DLX5: variants seen among roughly 807,000 people sequenced by gnomAD.
DLX5 encodes the protein distal-less homeobox 5.
Under a neutral mutation model 27.1 loss-of-function variants are expected in DLX5, and 8 were observed. The observed-to-expected ratio is 0.30, with a 90% CI of 0.17 to 0.53. DLX5 has a LOEUF of 0.53. Among genes scored for constraint, DLX5 ranks in the 20% least tolerant of loss-of-function variants. The pLI, the probability that DLX5 is intolerant of heterozygous loss-of-function variation, is 0.95. For synonymous variants in DLX5, 178 were observed against 161.9 expected (o/e 1.10, Z -0.75); for missense variants, 339 against 375.1 (o/e 0.90, Z 0.80).
At chr7:97,022,101 C>T in intron 2 of DLX5, 84 bp downstream of exon 2, 1 of 1,526,724 alleles carries the variant, frequency 6.5e-7, no homozygotes, top group Non-Finnish European at 9.0e-7. Context: ...GTCAAAACAG[C>T]TCCAGTCCCA....
At chr7:97,022,938 A>G (rs963747819) in intron 1 of DLX5, among the ~76,000 whole-genome samples, 6 of 147,758 alleles carry the variant, frequency 4.1e-5, no homozygotes, top group African/African-American at 1.5e-4. Context: ...AGGGTCGATT[A>G]TGCAACCCCC....
chr7:97,024,546 A>G lies in DLX5; in HGVS notation c.78T>C (p.Ala26=), dbSNP rs1790143116. 1.2e-6 allele frequency: 2 copies of G among 1,613,970 alleles called. No homozygotes were observed. The highest frequency in any genetic ancestry group is 1.7e-6 in the Non-Finnish European group (2 of 1,179,852). Residue 26 remains alanine, a synonymous_variant, in exon 1 of 3, where the codon GCT becomes GCC. Coordinates refer to ENST00000648378, the MANE Select transcript of DLX5 (RefSeq NM_005221.6). The surrounding 1 kb of genome is among the most constrained non-coding windows in gnomAD (Gnocchi z 4.6). ...DFQAPFQTSA[A]MHHPSQESPT... is the part of the protein sequence containing the mutation. Reference sequence around the variant, plus strand: ...GCGATTCCTGAGACGGATGGTGCATAGCTGCGGACGTCTGGAACGGAGCTT... The same window carrying G: ...GCGATTCCTGAGACGGATGGTGCATGGCTGCGGACGTCTGGAACGGAGCTT...
intron 1 of DLX5, among the ~76,000 whole-genome samples, chr7:97,023,792 G>A (rs1207734): frequency 0.056 from 8,321 of 147,920 alleles, 302 homozygotes; most frequent in South Asian, 0.082. Flanking sequence ...GCGTGCTCAG[G>A]GCACCCGCAC....
chr7:97,023,823 C>T (rs1315963817), intron 1 of DLX5, among the ~76,000 whole-genome samples: 2 of 150,596 alleles, frequency 1.3e-5, no homozygotes, highest in South Asian at 2.1e-4. Flanking sequence ...TGTGGCGGCT[C>T]TCAAACTAAT....
intron 1 of DLX5, chr7:97,022,685 C>G: frequency 1.3e-6 from 1 of 751,260 alleles, no homozygotes; most frequent in Non-Finnish European, 1.6e-6. Context: ...CTTGTTTTTA[C>G]GCCCACCCTG....
chr7:97,021,129 G>C, intron 2 of DLX5, 64 bp from the exon 3 acceptor site: 1 of 1,480,918 alleles, frequency 6.8e-7, no homozygotes, highest in Non-Finnish European at 9.1e-7. Context: ...CCTTCCCCGG[G>C]GCGGCGACTG....
chr7:97,024,218 C>T lies in DLX5; in HGVS notation c.355+51G>A. On this transcript the variant is annotated intron_variant, in intron 1 of 2. Coordinates refer to ENST00000648378, the MANE Select transcript of DLX5 (RefSeq NM_005221.6). The surrounding 1 kb of genome is among the most constrained non-coding windows in gnomAD (Gnocchi z 4.6). ...CAATCTACCACCCCATCTCGCGCCC[C>T]CAGCGTCCTAGTCGCCCTGTATCTG... 4 of 1,544,566 alleles carry T rather than the reference C, an allele frequency of 2.6e-6. No individual in the cohort carries two copies. Among genetic ancestry groups the T allele is most frequent in the Non-Finnish European group, 3.5e-6 (4 of 1,142,260 alleles).
rs75624442 is a variant in DLX5, at chr7:97,022,528, C to T, written c.356-159G>A. Reference sequence around the variant, plus strand: ...TTTTCAGGACCGCGATAAATATGCACCTACCCCAAATATGGAAAAGCGGGA... The same window carrying T: ...TTTTCAGGACCGCGATAAATATGCATCTACCCCAAATATGGAAAAGCGGGA... On this transcript the variant is annotated intron_variant, in intron 1 of 2. Coordinates refer to ENST00000648378, the MANE Select transcript of DLX5 (RefSeq NM_005221.6). 4.2e-4 allele frequency: 417 copies of T among 985,314 alleles called. No homozygotes were observed. The African/African-American group carries it at 7.0e-3, about 16-fold the overall frequency. The allele number at this position is 985,314 out of a possible 1,614,324, so 61.0% of individuals were successfully genotyped here.
At position 97,024,463 on chromosome 7, in the gene DLX5, G is replaced by A; in HGVS notation, c.161C>T (p.Ala54Val). 9 of 1,614,284 alleles carry A rather than the reference G, an allele frequency of 5.6e-6. No individual in the cohort carries two copies. The highest frequency in any genetic ancestry group is 6.8e-6 in the Non-Finnish European group (8 of 1,180,054). ...DSDYYSPTGGAPHGYCSPTSA... is the reference protein window; with the variant it reads ...DSDYYSPTGGVPHGYCSPTSA... ...GGTAGGAGAGCAGTAGCCGTGCGGGGCTCCCCCCGTAGGGCTGTAGTAGTC... is the reference window on the plus strand; with the variant it reads ...GGTAGGAGAGCAGTAGCCGTGCGGGACTCCCCCCGTAGGGCTGTAGTAGTC... Residue 54 changes from alanine to valine, a missense_variant, in exon 1 of 3, where the codon GCC becomes GTC. Transcript: ENST00000648378. The surrounding 1 kb of genome is among the most constrained non-coding windows in gnomAD (Gnocchi z 4.6).
At chr7:97,022,595 G>C (rs143231017) in intron 1 of DLX5, 1 of 985,438 alleles carries the variant, frequency 1.0e-6, no homozygotes, top group Admixed American at 6.1e-5. Context: ...CAGATAGTTT[G>C]TGCAAAGCGC....
At chr7:97,022,871 C>T (rs760995913) in intron 1 of DLX5, among the ~76,000 whole-genome samples, 2 of 152,280 alleles carry the variant, frequency 1.3e-5, no homozygotes, top group Admixed American at 6.5e-5. Context: ...GTTCAAAGAC[C>T]CACAAGCAAA....
intron 2 of DLX5, chr7:97,021,866 T>C: frequency 3.4e-6 from 2 of 587,074 alleles, no homozygotes; most frequent in Non-Finnish European, 6.0e-6. Flanking sequence ...ATAGCTGCTC[T>C]GGGCTGCCTA....
At chr7:97,022,416 C>G in intron 1 of DLX5, 47 bp from the exon 2 acceptor site, 1 of 1,605,786 alleles carries the variant, frequency 6.2e-7, no homozygotes, top group Non-Finnish European at 8.5e-7. Context: ...CCAGACAATG[C>G]CCCTTTTGCG....
Position 97,024,585 on chromosome 7 carries a change from T to G in DLX5, c.39A>C (p.Arg13=). The G allele has an allele frequency of 6.2e-7, 1 of 1,606,838 alleles. No homozygotes were observed. The highest frequency in any genetic ancestry group is 8.5e-7 in the Non-Finnish European group (1 of 1,174,210). Residue 13 remains arginine, a synonymous_variant, in exon 1 of 3, where the codon CGA becomes CGC. Coordinates refer to ENST00000648378, the MANE Select transcript of DLX5 (RefSeq NM_005221.6). This position sits in a 1 kb window ranked among gnomAD's most constrained non-coding sequence, Gnocchi z 4.6. ...GGAACGGAGCTTGGAAGTCGCCGGA[T>G]CGGATGCTGGGGACCCTTCTGTCAA... ...GVFDRRVPSI[R]SGDFQAPFQT...
intron 2 of DLX5, among the ~76,000 whole-genome samples, chr7:97,021,469 C>A (rs961338738): frequency 7.9e-5 from 12 of 152,304 alleles, no homozygotes; most frequent in Non-Finnish European, 1.5e-4. Flanking sequence ...GGGCGTGGGG[C>A]GGGCTACGCG....
At position 97,024,706 on chromosome 7, in the gene DLX5, A is replaced by G; in HGVS notation, c.-83T>C. 8.3e-7 allele frequency: 1 copy of G among 1,203,694 alleles called. No individual in the cohort carries two copies. The highest frequency in any genetic ancestry group is 1.2e-6 in the Non-Finnish European group (1 of 854,694). 74.6% of individuals were successfully genotyped at this position (1,203,694 alleles called of 1,614,324 possible). A position where few individuals can be genotyped will look rare whatever the true frequency, so the allele number is the denominator to read the frequency against. On this transcript the variant is annotated 5_prime_UTR_variant, in exon 1 of 3. The change abolishes the stop of an existing upstream ORF in the 5' untranslated region. Transcript: ENST00000648378. This position sits in a 1 kb window ranked among gnomAD's most constrained non-coding sequence, Gnocchi z 4.6. ...GTTGGCTGTGGGGCTGCTCTGGTCT[A>G]AGCAGACATGGCTGTGGGAGCGAGG...
chr7:97,023,614 C>CG (rs2115916285), intron 1 of DLX5, among the ~76,000 whole-genome samples: 1 of 152,042 alleles, frequency 6.6e-6, no homozygotes, highest in African/African-American at 2.4e-5. Flanking sequence ...AAATTGTGGG[C>CG]GCCTATGGAG....
Position 97,024,290 on chromosome 7 carries a change from G to C in DLX5, c.334C>G (p.Pro112Ala), listed in dbSNP as rs1329819450. The C allele has an allele frequency of 1.2e-5, 20 of 1,613,558 alleles. No individual in the cohort carries two copies. The highest frequency in any genetic ancestry group is 1.7e-5 in the Non-Finnish European group (20 of 1,179,682). ...HQYGGAYNRV[P>A]SATNQPEKEV... Reference sequence around the variant, plus strand: ...GTACCTGGCTGGTTGGTGGCGCTTGGGACGCGGTTGTAGGCGCCGCCGTAC... The same window carrying C: ...GTACCTGGCTGGTTGGTGGCGCTTGCGACGCGGTTGTAGGCGCCGCCGTAC... Residue 112 changes from proline to alanine, a missense_variant, in exon 1 of 3, where the codon CCA becomes GCA. Pro to Ala is a conservative substitution (Grantham distance 27). Coordinates refer to ENST00000648378, the MANE Select transcript of DLX5 (RefSeq NM_005221.6). This position sits in a 1 kb window ranked among gnomAD's most constrained non-coding sequence, Gnocchi z 4.6.
In DLX5 at chr7:97,020,503, T is replaced by G. The variant is rs534291396; in HGVS notation, c.*233A>C. 9.8e-6 allele frequency: 4 copies of G among 408,006 alleles called. No homozygotes were observed. In the East Asian group the frequency reaches 1.4e-4, roughly 15 times the overall value. 25.3% of individuals were successfully genotyped at this position (408,006 alleles called of 1,614,324 possible). ...CATTGAAAAAAGTCTTTTGAAAAGT[T>G]GAGGTCATAGATTTCAAGGCACCAT... is the stretch of plus-strand genomic sequence containing the variant. On this transcript the variant is annotated 3_prime_UTR_variant, in exon 3 of 3. Coordinates refer to ENST00000648378, the MANE Select transcript of DLX5 (RefSeq NM_005221.6).
Sources: gnomAD v4.1 joint callset for allele counts (sites outside exome capture counted in the v4.1 genomes callset) on GRCh38, gnomAD v4.1.1 for gene constraint, Gnocchi (gnomAD v3.1) non-coding constraint, MANE v1.5 for transcripts, NCBI Gene and HGNC (gene_info 2026-07-23, HGNC 2026-07-21) for gene names.